Variants in PLA2R1 observed in about 807,000 individuals in gnomAD.
The protein encoded by PLA2R1 is phospholipase A2 receptor 1.
Under a neutral mutation model 195.9 loss-of-function variants are expected in PLA2R1, and 158 were observed. The ratio of observed to expected loss-of-function variants is 0.81; its 90% CI spans 0.71 to 0.92. The LOEUF (loss-of-function observed/expected upper bound fraction) is 0.92. Among genes scored for constraint, PLA2R1 ranks in the 40% least tolerant of loss-of-function variants. PLA2R1 has a pLI of 0.00. For synonymous variants in PLA2R1, 586 were observed against 598.2 expected (o/e 0.98, Z 0.30); for missense variants, 1,626 against 1,764.6 (o/e 0.92, Z 1.41).
Position 159,955,902 on chromosome 2 carries a change from G to C in PLA2R1, c.3023-74C>G, listed in dbSNP as rs74783458. 3,799 of 824,874 alleles carry C rather than the reference G, an allele frequency of 4.6e-3. 111 individuals are homozygous for C. In the African/African-American group the frequency reaches 0.061, roughly 13 times the overall value. 51.1% of individuals were successfully genotyped at this position (824,874 alleles called of 1,614,324 possible). Reference sequence around the variant, plus strand: ...GGGTAATCACTGCATCCTATTTATAGCTATGATTATATTTAAATGCCAGCA... The same window carrying C: ...GGGTAATCACTGCATCCTATTTATACCTATGATTATATTTAAATGCCAGCA... On this transcript the variant is annotated intron_variant, in intron 21 of 29. Transcript: ENST00000283243.
intron 13 of PLA2R1, among the ~76,000 whole-genome samples, chr2:159,980,153 C>T (rs1689849150): frequency 6.6e-6 from 1 of 152,138 alleles, no homozygotes; most frequent in South Asian, 2.1e-4. Context: ...AAGCATTGAA[C>T]ATTTTAAATG....
chr2:160,048,691 A>T (rs141040222), intron 1 of PLA2R1, among the ~76,000 whole-genome samples: 1 of 152,336 alleles, frequency 6.6e-6, no homozygotes, highest in East Asian at 1.9e-4. Flanking sequence ...ATACATGTCA[A>T]GGACATCAGT....
At chr2:159,924,120 G>C in the PLA2R1 span, among the ~76,000 whole-genome samples, 101,910 of 151,960 alleles carry the variant, frequency 0.67, 36,560 homozygotes, top group East Asian at 0.81. Context: ...GGCTGCATAA[G>C]CAGAATCTTC....
chr2:159,934,148 C>T lies in PLA2R1; in HGVS notation c.*7630G>A, dbSNP rs1482722039. 2.6e-5 allele frequency: 4 copies of T among 152,124 alleles called. No individual in the cohort carries two copies. The highest frequency in any genetic ancestry group is 5.9e-5 in the Non-Finnish European group (4 of 68,024). The allele number at this position is 152,124 out of a possible 1,614,324, so 9.4% of individuals were successfully genotyped here. On this transcript the variant is annotated 3_prime_UTR_variant, in exon 30 of 30. Coordinates refer to ENST00000283243, the MANE Select transcript of PLA2R1 (RefSeq NM_007366.5). ...GGCAATAAGAATTATGATGTACATG[C>T]CATTTTGGAAATGTCTCCAAATTTT...
At position 159,951,526 on chromosome 2, in the gene PLA2R1, G is replaced by C. The variant is rs1687744915; in HGVS notation, c.3354C>G (p.Thr1118=). The change falls in exon 24 of 30, where the codon ACC becomes ACG. Residue 1118 remains threonine (T), a synonymous_variant. Transcript: ENST00000283243. ...TGTAAGTTCTGTTTCCATATTCTAAGGTATTGGGCATTGGATACATATCAG... is the reference window on the plus strand; with the variant it reads ...TGTAAGTTCTGTTTCCATATTCTAACGTATTGGGCATTGGATACATATCAG... The part of the protein sequence containing the change: ...NTSDMYPMPN[T]LEYGNRTYKI... 6.2e-7 allele frequency: 1 copy of C among 1,605,358 alleles called. No individual in the cohort carries two copies. The highest frequency in any genetic ancestry group is 8.5e-7 in the Non-Finnish European group (1 of 1,171,818).
chr2:160,060,714 A>G (rs1695893503), intron 1 of PLA2R1, among the ~76,000 whole-genome samples: 1 of 152,224 alleles, frequency 6.6e-6, no homozygotes, highest in African/African-American at 2.4e-5. Flanking sequence ...TGGTTCTGCT[A>G]CATATAGAAG....
intron 13 of PLA2R1, among the ~76,000 whole-genome samples, chr2:159,980,715 T>G (rs1444250275): frequency 6.6e-6 from 1 of 152,164 alleles, no homozygotes; most frequent in East Asian, 1.9e-4. Context: ...ATAAATCGAG[T>G]AATAAAGCCT....
chr2:159,984,894 C>A (rs977768834), intron 12 of PLA2R1, among the ~76,000 whole-genome samples: 1 of 152,190 alleles, frequency 6.6e-6, no homozygotes, highest in Non-Finnish European at 1.5e-5. Flanking sequence ...CTCTTACTTG[C>A]TGAGACCAGA....
chr2:159,992,799 T>A (rs1357763354), intron 11 of PLA2R1, among the ~76,000 whole-genome samples: 1 of 152,158 alleles, frequency 6.6e-6, no homozygotes, highest in African/African-American at 2.4e-5. Context: ...TAAACCTGAC[T>A]TACTCTACTG....
At chr2:160,014,415 C>G in intron 9 of PLA2R1, among the ~76,000 whole-genome samples, 1 of 152,046 alleles carries the variant, frequency 6.6e-6, no homozygotes, top group East Asian at 1.9e-4. Context: ...GGCCACACCA[C>G]CCTGAATGTG....
rs1296362579 is a variant in PLA2R1, at chr2:160,022,730, T to C, written c.1229A>G (p.Asn410Ser). ...HEALRSCQAD[N>S]SALIDITSLA... Reference sequence around the variant, plus strand: ...TGAGGTTATGTCTATTAATGCACTGTTATCAGCCTGACAAGAACGCAGAGC... The same window carrying C: ...TGAGGTTATGTCTATTAATGCACTGCTATCAGCCTGACAAGAACGCAGAGC... Residue 410 changes from asparagine (N) to serine (S), a missense_variant, in exon 7 of 30, where the codon AAC becomes AGC. Coordinates refer to ENST00000283243, the MANE Select transcript of PLA2R1 (RefSeq NM_007366.5). 39 of 1,613,734 alleles carry C rather than the reference T, an allele frequency of 2.4e-5. No homozygotes were observed. Among genetic ancestry groups the C allele is most frequent in the Non-Finnish European group, 3.2e-5 (38 of 1,179,764 alleles).
At chr2:159,979,942 C>T (rs373286161) in intron 13 of PLA2R1, 28 bp from the exon 14 acceptor site, 23 of 1,361,418 alleles carry the variant, frequency 1.7e-5, no homozygotes, top group Middle Eastern at 1.8e-4. Context: ...AAAAGCTTTG[C>T]CTTTCCCATC....
intron 7 of PLA2R1, among the ~76,000 whole-genome samples, chr2:160,021,073 C>G (rs994741206): frequency 2.0e-5 from 3 of 152,048 alleles, no homozygotes; most frequent in African/African-American, 7.2e-5. Flanking sequence ...GGGCATGAAA[C>G]AAACAAACTT....
rs1414332879 is a variant in PLA2R1 at position 159,946,623 on chromosome 2, A to G, written c.3967+178T>C. The G allele has an allele frequency of 3.0e-6, 4 of 1,323,724 alleles. No homozygotes were observed. The African/African-American group carries it at 4.6e-5, about 15-fold the overall frequency. 82.0% of individuals were successfully genotyped at this position (1,323,724 alleles called of 1,614,324 possible). On this transcript the variant is annotated intron_variant, in intron 27 of 29. Transcript: ENST00000283243. Reference sequence around the variant, plus strand: ...TGGTGTTCTGGGATTATTTTAAAAGACAAAAGGGTAAAGAAAAGGGTTGCA... The same window carrying G: ...TGGTGTTCTGGGATTATTTTAAAAGGCAAAAGGGTAAAGAAAAGGGTTGCA...
intron 4 of PLA2R1, among the ~76,000 whole-genome samples, chr2:160,032,505 C>G (rs1294115439): frequency 6.6e-6 from 1 of 152,176 alleles, no homozygotes; most frequent in Admixed American, 6.5e-5. Context: ...GCTTTTCCCA[C>G]TAAATTTTAA....
intron 9 of PLA2R1, 97 bp downstream of exon 9, chr2:160,016,517 A>G: frequency 1.4e-6 from 1 of 694,898 alleles, no homozygotes. Flanking sequence ...GAGGAGAGAG[A>G]GAGAGGAGAA....
chr2:160,009,546 C>G (rs937751566), intron 10 of PLA2R1, among the ~76,000 whole-genome samples: 5 of 151,940 alleles, frequency 3.3e-5, no homozygotes, highest in Non-Finnish European at 7.4e-5. Flanking sequence ...GAATAGGCAG[C>G]TATTGTTTAA....
chr2:160,048,997 C>T (rs1440440782), intron 1 of PLA2R1, among the ~76,000 whole-genome samples: 3 of 151,702 alleles, frequency 2.0e-5, no homozygotes, highest in Admixed American at 6.6e-5. Flanking sequence ...CCCGCCACTA[C>T]GCCCGGCTAA....
chr2:159,958,631 C>T (rs1688251746), intron 20 of PLA2R1, among the ~76,000 whole-genome samples: 1 of 152,152 alleles, frequency 6.6e-6, no homozygotes, highest in South Asian at 2.1e-4. Flanking sequence ...AAATAAAAGA[C>T]AACAGACCCT....
Sources: gnomAD v4.1 joint callset for allele counts (sites outside exome capture counted in the v4.1 genomes callset) on GRCh38, gnomAD v4.1.1 for gene constraint, MANE v1.5 for transcripts, NCBI Gene and HGNC (gene_info 2026-07-23, HGNC 2026-07-21) for gene names.